The following UNCX variants were observed in gnomAD, a reference collection of about 807,000 sequenced individuals.
UNCX encodes the protein homeobox protein unc-4 homolog.
In UNCX, 4 loss-of-function variants were observed where a neutral mutation model predicts 14.8. The ratio of observed to expected loss-of-function variants is 0.27; its 90% confidence interval spans 0.13 to 0.62. The LOEUF is 0.62. UNCX is among the 20% of genes least tolerant of loss of function. UNCX has a pLI of 0.86. For synonymous variants in UNCX, 459 were observed against 395.8 expected (o/e 1.16, Z -1.90); for missense variants, 749 against 786.8 (o/e 0.95, Z 0.58).
At position 1,235,937 on chromosome 7, in the gene UNCX, C is replaced by A; in HGVS notation, c.556C>A (p.Pro186Thr). Residue 186 changes from proline (P) to threonine (T), a missense_variant, in exon 3 of 3, where the codon CCC (proline) becomes ACC (threonine). Transcript: ENST00000316333. ...NSHPTTCSGE[P>T]MDPEEIARKE... ...GCACCCGACCACGTGCAGCGGCGAGCCCATGGACCCGGAGGAGATCGCGCG... is the reference window on the plus strand; with the variant it reads ...GCACCCGACCACGTGCAGCGGCGAGACCATGGACCCGGAGGAGATCGCGCG... The A allele has an allele frequency of 1.2e-6, 2 of 1,612,588 alleles. No homozygotes were observed. The highest frequency in any genetic ancestry group is 1.7e-6 in the Non-Finnish European group (2 of 1,179,662).
At chr7:1,234,083 C>T (rs1778695732) in intron 2 of UNCX, among the ~76,000 whole-genome samples, 1 of 152,066 alleles carries the variant, frequency 6.6e-6, no homozygotes, top group South Asian at 2.1e-4. Context: ...GGGACCCCCC[C>T]CCGCCCCCGC....
chr7:1,233,768 C>T lies in UNCX; in HGVS notation c.450+73C>T, dbSNP rs376794135. On this transcript the variant is annotated intron_variant, in intron 2 of 2. Transcript: ENST00000316333. The surrounding 1 kb of genome is among the most constrained non-coding windows in gnomAD (Gnocchi z 5.3). Reference sequence around the variant, plus strand: ...CTGGGCGCGCCGGGACGCCTTTGTTCCAGGTGGCGAGATATCGTCCCCTTG... The same window carrying T: ...CTGGGCGCGCCGGGACGCCTTTGTTTCAGGTGGCGAGATATCGTCCCCTTG... 681 of 1,516,386 alleles carry T rather than the reference C, an allele frequency of 4.5e-4. 4 individuals are homozygous for T. The African/African-American group carries it at 8.7e-3, about 19-fold the overall frequency. 93.9% of individuals were successfully genotyped at this position (1,516,386 alleles called of 1,614,324 possible).
chr7:1,232,960 C>A lies in UNCX; in HGVS notation c.-58C>A. On this transcript the variant is annotated 5_prime_UTR_variant, in exon 1 of 3. Transcript: ENST00000316333. Reference sequence around the variant, plus strand: ...CCGCGCCTCCCGCCGCTGGCCCGCCCCGGCCCCGGCCCGCGCCCCCGCGCC... The same window carrying A: ...CCGCGCCTCCCGCCGCTGGCCCGCCACGGCCCCGGCCCGCGCCCCCGCGCC... 2.2e-6 allele frequency: 2 copies of A among 919,384 alleles called. No homozygotes were observed. Among genetic ancestry groups the A allele is most frequent in the Non-Finnish European group, 1.3e-6 (1 of 770,098 alleles). 57.0% of individuals were successfully genotyped at this position (919,384 alleles called of 1,614,324 possible).
rs772959738 is a variant in UNCX at position 1,233,528 on chromosome 7, G to A, written c.283G>A (p.Asp95Asn). The part of the protein sequence containing the change: ...GQPFKLSDSG[D>N]PDKESPGCKR... ...CCTGTGACTGCCCGCAGACTCGGGG[G>A]ACCCGGACAAGGAGAGCCCGGGCTG... The change falls in exon 2 of 3, where the codon GAC (aspartate) becomes AAC (asparagine). Residue 95 changes from aspartate (D) to asparagine (N), a missense_variant. Asp to Asn is a conservative substitution (Grantham distance 23). This residue lies in a region of UNCX where 155 missense variants were observed against 166.7 expected (regional missense o/e 0.93). Coordinates refer to ENST00000316333, the MANE Select transcript of UNCX (RefSeq NM_001080461.3). The surrounding 1 kb of genome is among the most constrained non-coding windows in gnomAD (Gnocchi z 5.3). 1 of 1,611,536 alleles carries A rather than the reference G, an allele frequency of 6.2e-7. No individual in the cohort carries two copies. Among genetic ancestry groups the A allele is most frequent in the South Asian group, 1.1e-5 (1 of 90,996 alleles).
At position 1,233,477 on chromosome 7, in the gene UNCX, G is replaced by C. The variant is rs1778684428; in HGVS notation, c.275-43G>C. The C allele has an allele frequency of 1.3e-6, 2 of 1,554,796 alleles. No individual in the cohort carries two copies. The highest frequency in any genetic ancestry group is 1.4e-5 in the African/African-American group (1 of 72,744). The stretch of plus-strand genomic sequence containing the variant: ...GGAGGGAGGGGTGGGGGTCGGGCCT[G>C]GGCCGGTGGCTGAGCCGCGCTGCGT... On this transcript the variant is annotated intron_variant, in intron 1 of 2. Coordinates refer to ENST00000316333, the MANE Select transcript of UNCX (RefSeq NM_001080461.3). This position sits in a 1 kb window ranked among gnomAD's most constrained non-coding sequence, Gnocchi z 5.3.
rs774113755 is a variant in UNCX, at chr7:1,233,515, C to T, written c.275-5C>T. On this transcript the variant is annotated splice_region_variant and splice_polypyrimidine_tract_variant and intron_variant, in intron 1 of 2. Coordinates refer to ENST00000316333, the MANE Select transcript of UNCX (RefSeq NM_001080461.3). The surrounding 1 kb of genome is among the most constrained non-coding windows in gnomAD (Gnocchi z 5.3). ...AGCCGCGCTGCGTCCTGTGACTGCCCGCAGACTCGGGGGACCCGGACAAGG... is the reference window on the plus strand; with the variant it reads ...AGCCGCGCTGCGTCCTGTGACTGCCTGCAGACTCGGGGGACCCGGACAAGG... 1 of 1,608,892 alleles carries T rather than the reference C, an allele frequency of 6.2e-7. No homozygotes were observed. Among genetic ancestry groups the T allele is most frequent in the Non-Finnish European group, 8.5e-7 (1 of 1,178,706 alleles).
In UNCX at chr7:1,233,185, C is replaced by A; in HGVS notation, c.168C>A (p.Gly56=). ...AAASVPFSID[G]LLGGSCAAAA... is the part of the protein sequence containing the mutation. ...CCTCGGTGCCCTTCTCCATCGACGG[C>A]CTGCTCGGGGGCTCGTGCGCCGCCG... Residue 56 remains glycine (G), a synonymous_variant, in exon 1 of 3, where the codon GGC becomes GGA. Transcript: ENST00000316333. This position sits in a 1 kb window ranked among gnomAD's most constrained non-coding sequence, Gnocchi z 5.3. 1.4e-6 allele frequency: 2 copies of A among 1,458,346 alleles called. No homozygotes were observed. Among genetic ancestry groups the A allele is most frequent in the Non-Finnish European group, 1.8e-6 (2 of 1,109,062 alleles). 90.3% of individuals were successfully genotyped at this position (1,458,346 alleles called of 1,614,324 possible). A position where few individuals can be genotyped will look rare whatever the true frequency, so the allele number is the denominator to read the frequency against.
At chr7:1,234,952 CCGCGGGG>C (rs1376587816) in intron 2 of UNCX, among the ~76,000 whole-genome samples, 1 of 152,088 alleles carries the variant, frequency 6.6e-6, no homozygotes, top group African/African-American at 2.4e-5. Flanking sequence ...GCCCGAGCTT[CCGCGGGG>C]CTCAGACGGA....
In UNCX at chr7:1,233,296, G is replaced by T. The variant is rs536643252; in HGVS notation, c.274+5G>T. ...GCCAGCCCTTCAAGCTGTCAGGTAG[G>T]CGCGGCGGGCGGGAGGGCGGGGAGG... is the stretch of plus-strand genomic sequence containing the variant. On this transcript the variant is annotated splice_donor_5th_base_variant and intron_variant, in intron 1 of 2. Coordinates refer to ENST00000316333, the MANE Select transcript of UNCX (RefSeq NM_001080461.3). This position sits in a 1 kb window ranked among gnomAD's most constrained non-coding sequence, Gnocchi z 5.3. 1 of 1,319,578 alleles carries T rather than the reference G, an allele frequency of 7.6e-7. No individual in the cohort carries two copies. 81.7% of individuals were successfully genotyped at this position (1,319,578 alleles called of 1,614,324 possible).
chr7:1,233,271 G>T lies in UNCX; in HGVS notation c.254G>T (p.Gly85Val). ...LPAACGVGGD[G>V]QPFKLSDSGD... ...GCCGCCTGCGGGGTCGGCGGGGACG[G>T]CCAGCCCTTCAAGCTGTCAGGTAGG... is the stretch of plus-strand genomic sequence containing the variant. The change falls in exon 1 of 3, where the codon GGC (glycine) becomes GTC (valine). Residue 85 changes from glycine to valine, a missense_variant. Gly to Val is a moderately radical substitution (Grantham distance 109). Coordinates refer to ENST00000316333, the MANE Select transcript of UNCX (RefSeq NM_001080461.3). This position sits in a 1 kb window ranked among gnomAD's most constrained non-coding sequence, Gnocchi z 5.3. 4 of 1,339,340 alleles carry T rather than the reference G, an allele frequency of 3.0e-6. No individual in the cohort carries two copies. The highest frequency in any genetic ancestry group is 3.8e-6 in the Non-Finnish European group (4 of 1,052,854). 83.0% of individuals were successfully genotyped at this position (1,339,340 alleles called of 1,614,324 possible).
In UNCX at chr7:1,233,420, C is replaced by CG. The variant is rs1338533869; in HGVS notation, c.275-100_275-99insG. The CG allele has an allele frequency of 4.7e-5, 64 of 1,373,352 alleles. No homozygotes were observed. The East Asian group carries it at 1.1e-3, about 23-fold the overall frequency. 85.1% of individuals were successfully genotyped at this position (1,373,352 alleles called of 1,614,324 possible). On this transcript the variant is annotated intron_variant, in intron 1 of 2. Transcript: ENST00000316333. This position sits in a 1 kb window ranked among gnomAD's most constrained non-coding sequence, Gnocchi z 5.3. ...TCCTAGGCGGCCGTCTCTGCGCCCC[C>CG]CCCCCCGGATCCAGGCGGCCAGCGG...
chr7:1,236,470 C>G lies in UNCX; in HGVS notation c.1089C>G (p.Pro363=). The G allele has an allele frequency of 7.3e-7, 1 of 1,375,562 alleles. No homozygotes were observed. The highest frequency in any genetic ancestry group is 1.5e-5 in the African/African-American group (1 of 64,946). The allele number at this position is 1,375,562 out of a possible 1,614,324, so 85.2% of individuals were successfully genotyped here. A position where few individuals can be genotyped will look rare whatever the true frequency, so the allele number is the denominator to read the frequency against. ...CCGCCGCGGGGCTGGACTTCGCGCC[C>G]GGGCTGCCGTGCGCGCCGCGGACCC... ...AAAAAGLDFA[P]GLPCAPRTLI... Residue 363 remains proline, a synonymous_variant, in exon 3 of 3, where the codon CCC becomes CCG. Transcript: ENST00000316333. This position sits in a 1 kb window ranked among gnomAD's most constrained non-coding sequence, Gnocchi z 6.9.
chr7:1,236,123 G>T lies in UNCX; in HGVS notation c.742G>T (p.Glu248Ter). Residue 248 changes from glutamate to a stop codon, truncating the protein, a stop_gained, in exon 3 of 3, where the codon GAG (glutamate) becomes TAG (stop). Transcript: ENST00000316333. LOFTEE classifies it low-confidence loss of function (END_TRUNC). This position sits in a 1 kb window ranked among gnomAD's most constrained non-coding sequence, Gnocchi z 6.9. ...GGGGLSPEPP[E>*]PPPPAAKGPG... ...CGGCGGCCTGTCTCCGGAGCCGCCC[G>T]AGCCGCCGCCGCCCGCCGCCAAGGG... 1 of 1,313,594 alleles carries T rather than the reference G, an allele frequency of 7.6e-7. No homozygotes were observed. The allele number at this position is 1,313,594 out of a possible 1,614,324, so 81.4% of individuals were successfully genotyped here. A position where few individuals can be genotyped will look rare whatever the true frequency, so the allele number is the denominator to read the frequency against.
rs1446645519 is a variant in UNCX, at chr7:1,236,972, G to T, written c.1591G>T (p.Asp531Tyr). The T allele has an allele frequency of 1.7e-6, 2 of 1,191,696 alleles. No individual in the cohort carries two copies. Among genetic ancestry groups the T allele is most frequent in the East Asian group, 3.5e-5 (1 of 28,810 alleles). The allele number at this position is 1,191,696 out of a possible 1,614,324, so 73.8% of individuals were successfully genotyped here. A position where few individuals can be genotyped will look rare whatever the true frequency, so the allele number is the denominator to read the frequency against. ...GCCGGAGGGCGAGGAGCTGGACATG[G>T]ACTGAGGCCGCGGCGGCCGGGAGAG... Reference protein sequence around the residue: ...SPPEGEELDMD With the variant: ...SPPEGEELDMY Residue 531 changes from aspartate to tyrosine, a missense_variant, in exon 3 of 3, where the codon GAC (aspartate) becomes TAC (tyrosine). By Grantham distance (160) the Asp-to-Tyr change is radical. Around this residue, in one of 3 missense-constraint regions of UNCX, gnomAD observed 552 missense variants for 507.2 expected, o/e 1.09. Transcript: ENST00000316333. The surrounding 1 kb of genome is among the most constrained non-coding windows in gnomAD (Gnocchi z 6.9).
Position 1,233,364 on chromosome 7 carries a change from G to T in UNCX, c.274+73G>T. On this transcript the variant is annotated intron_variant, in intron 1 of 2. Transcript: ENST00000316333. The surrounding 1 kb of genome is among the most constrained non-coding windows in gnomAD (Gnocchi z 5.3). ...GGGCCCTGGTCCGGCCGAGGCGCTGGGGGGCCCGGGGCTGGCGAAGGAGAG... is the reference window on the plus strand; with the variant it reads ...GGGCCCTGGTCCGGCCGAGGCGCTGTGGGGCCCGGGGCTGGCGAAGGAGAG... 1.5e-6 allele frequency: 2 copies of T among 1,348,626 alleles called. No homozygotes were observed. The highest frequency in any genetic ancestry group is 3.7e-5 in the South Asian group (2 of 54,524). 83.5% of individuals were successfully genotyped at this position (1,348,626 alleles called of 1,614,324 possible).
chr7:1,234,022 G>A (rs1446807460), intron 2 of UNCX, among the ~76,000 whole-genome samples: 1 of 152,204 alleles, frequency 6.6e-6, no homozygotes, highest in Non-Finnish European at 1.5e-5. Flanking sequence ...AGGCAGGGGC[G>A]AGGAGGGGAG....
rs965819420 is a variant in UNCX at position 1,236,236 on chromosome 7, C to T, written c.855C>T (p.Phe285=). Residue 285 remains phenylalanine, a synonymous_variant, in exon 3 of 3, where the codon TTC becomes TTT. Transcript: ENST00000316333. The surrounding 1 kb of genome is among the most constrained non-coding windows in gnomAD (Gnocchi z 6.9). The part of the protein sequence containing the change: ...PPAPGTCDPA[F]YPSQRSGAGP... ...CACCCGGCACCTGCGACCCCGCCTT[C>T]TACCCGAGCCAAAGAAGCGGCGCCG... 3.5e-5 allele frequency: 48 copies of T among 1,366,328 alleles called. No homozygotes were observed. Among genetic ancestry groups the T allele is most frequent in the Middle Eastern group, 2.7e-4 (1 of 3,642 alleles). The allele number at this position is 1,366,328 out of a possible 1,614,324, so 84.6% of individuals were successfully genotyped here.
At position 1,233,747 on chromosome 7, in the gene UNCX, G is replaced by A. The variant is rs1341133631; in HGVS notation, c.450+52G>A. 1 of 1,553,920 alleles carries A rather than the reference G, an allele frequency of 6.4e-7. No homozygotes were observed. The highest frequency in any genetic ancestry group is 2.4e-5 in the East Asian group (1 of 42,004). On this transcript the variant is annotated intron_variant, in intron 2 of 2. Transcript: ENST00000316333. The surrounding 1 kb of genome is among the most constrained non-coding windows in gnomAD (Gnocchi z 5.3). ...CTGCCATCCGGACCCCAGGCTCTGG[G>A]CGCGCCGGGACGCCTTTGTTCCAGG...
chr7:1,233,016 A>G lies in UNCX; in HGVS notation c.-2A>G. The G allele has an allele frequency of 8.1e-7, 1 of 1,231,542 alleles. No homozygotes were observed. Among genetic ancestry groups the G allele is most frequent in the Non-Finnish European group, 1.0e-6 (1 of 984,934 alleles). 76.3% of individuals were successfully genotyped at this position (1,231,542 alleles called of 1,614,324 possible). A position where few individuals can be genotyped will look rare whatever the true frequency, so the allele number is the denominator to read the frequency against. On this transcript the variant is annotated 5_prime_UTR_variant, in exon 1 of 3. Transcript: ENST00000316333. The surrounding 1 kb of genome is among the most constrained non-coding windows in gnomAD (Gnocchi z 5.3). ...ACCGGCCCCGCCGGCCCCCCGCGCGAGATGATGGACGGCCGCCTCCTGGAA... is the reference window on the plus strand; with the variant it reads ...ACCGGCCCCGCCGGCCCCCCGCGCGGGATGATGGACGGCCGCCTCCTGGAA...
Sources: gnomAD v4.1 joint callset for allele counts (sites outside exome capture counted in the v4.1 genomes callset) on GRCh38, gnomAD v4.1.1 for gene constraint, gnomAD v4.1.1 regional missense constraint, Gnocchi (gnomAD v3.1) non-coding constraint, MANE v1.5 for transcripts, NCBI Gene and HGNC (gene_info 2026-07-23, HGNC 2026-07-21) for gene names.